Variants in PITPNM2 observed in about 807,000 individuals in gnomAD.
PITPNM2 encodes membrane-associated phosphatidylinositol transfer protein 2.
Under a neutral mutation model 132.2 loss-of-function variants are expected in PITPNM2, and 35 were observed. The observed-to-expected ratio is 0.26, with a 90% CI of 0.20 to 0.35. The LOEUF (loss-of-function observed/expected upper bound fraction) is 0.35. Among genes scored for constraint, PITPNM2 ranks in the 10% least tolerant of loss-of-function variants. PITPNM2 has a pLI of 1.00. For synonymous variants in PITPNM2, 738 were observed against 799.2 expected (o/e 0.92, Z 1.29); for missense variants, 1,332 against 1,912.0 (o/e 0.70, Z 5.66).
rs180756841 is a variant in PITPNM2, at chr12:123,111,730, T to C, written c.-199-1242A>G. Among the ~76,000 whole-genome samples the C allele has an allele frequency of 6.6e-6, 1 of 152,176 alleles. No homozygotes were observed. The highest frequency in any genetic ancestry group is 6.5e-5 in the Admixed American group (1 of 15,272). On this transcript the variant is annotated intron_variant, in intron 1 of 25. Transcript: ENST00000320201. The surrounding 1 kb of genome is among the most constrained non-coding windows in gnomAD (Gnocchi z 4.1). ...CCAGCCCCTTGTCTCCACGGCTGCA[T>C]GTACACACCCACATACACACTCAAC...
At chr12:123,069,644 G>A (rs2041564001) in intron 2 of PITPNM2, among the ~76,000 whole-genome samples, 1 of 152,136 alleles carries the variant, frequency 6.6e-6, no homozygotes, top group Non-Finnish European at 1.5e-5. Context: ...AGCACCCCGG[G>A]CACCTTGCGC....
At position 123,151,067 on chromosome 12, in the gene PITPNM2, C is replaced by T. The variant is rs2043734258; in HGVS notation, c.-514G>A. Among the ~76,000 whole-genome samples, 1 of 145,720 alleles carries T rather than the reference C, an allele frequency of 6.9e-6. No individual in the cohort carries two copies. The highest frequency in any genetic ancestry group is 1.5e-5 in the Non-Finnish European group (1 of 65,572). On this transcript the variant is annotated 5_prime_UTR_variant, in exon 1 of 26. Coordinates refer to ENST00000320201, the MANE Select transcript of PITPNM2 (RefSeq NM_020845.3). ...CTCTACGCCGCGGCGCCGCGGTGCCCCGCGCACCCCAGCGGCCGCTGCTGC... is the reference window on the plus strand; with the variant it reads ...CTCTACGCCGCGGCGCCGCGGTGCCTCGCGCACCCCAGCGGCCGCTGCTGC...
intron 2 of PITPNM2, among the ~76,000 whole-genome samples, chr12:123,052,655 C>T (rs2040899673): frequency 1.3e-5 from 2 of 152,154 alleles, no homozygotes; most frequent in Admixed American, 6.5e-5. Context: ...TTTAAAACAG[C>T]CAATATAATA....
chr12:123,104,665 C>T (rs1452016202), intron 2 of PITPNM2, among the ~76,000 whole-genome samples: 2 of 152,080 alleles, frequency 1.3e-5, no homozygotes. Context: ...CTACCCAAAT[C>T]TTATAAAACA....
rs1367240124 is a variant in PITPNM2 at position 123,005,596 on chromosome 12, A to G, written c.644-48T>C. 1 of 1,569,254 alleles carries G rather than the reference A, an allele frequency of 6.4e-7. No individual in the cohort carries two copies. ...AGGGAGAGACGAGGGGAGGGAGGTC[A>G]GCGCAGGAGCCTGCACGGAAGTGTG... On this transcript the variant is annotated intron_variant, in intron 6 of 25. Transcript: ENST00000320201. This position sits in a 1 kb window ranked among gnomAD's most constrained non-coding sequence, Gnocchi z 6.2.
Position 123,004,564 on chromosome 12 carries a change from C to A in PITPNM2, c.953-75G>T, listed in dbSNP as rs745744723. 1.3e-5 allele frequency: 18 copies of A among 1,403,952 alleles called. No homozygotes were observed. The highest frequency in any genetic ancestry group is 1.8e-4 in the Middle Eastern group (1 of 5,656). The allele number at this position is 1,403,952 out of a possible 1,614,324, so 87.0% of individuals were successfully genotyped here. Reference sequence around the variant, plus strand: ...GAGGCTGCCCTGAGCCGGCAGGAGGCAGGGAGGGCCACCCACAGGCCTGAC... The same window carrying A: ...GAGGCTGCCCTGAGCCGGCAGGAGGAAGGGAGGGCCACCCACAGGCCTGAC... On this transcript the variant is annotated intron_variant, in intron 7 of 25. Coordinates refer to ENST00000320201, the MANE Select transcript of PITPNM2 (RefSeq NM_020845.3). This position sits in a 1 kb window ranked among gnomAD's most constrained non-coding sequence, Gnocchi z 4.9.
At chr12:123,028,983 G>C (rs945035429) in intron 3 of PITPNM2, among the ~76,000 whole-genome samples, 3 of 152,174 alleles carry the variant, frequency 2.0e-5, no homozygotes, top group African/African-American at 7.2e-5. Flanking sequence ...GGGGTGGCCT[G>C]AACCTCTCCC....
chr12:123,032,872 C>T (rs2040141761), intron 3 of PITPNM2, among the ~76,000 whole-genome samples: 1 of 152,216 alleles, frequency 6.6e-6, no homozygotes, highest in Non-Finnish European at 1.5e-5. Flanking sequence ...TCAGAGCAAA[C>T]AGCCCCCCGG....
chr12:123,011,147 A>C (rs965235155), intron 5 of PITPNM2, among the ~76,000 whole-genome samples: 1 of 152,210 alleles, frequency 6.6e-6, no homozygotes, highest in African/African-American at 2.4e-5. Flanking sequence ...AGCCCCAGTA[A>C]AGGGTTTGTG....
intron 2 of PITPNM2, among the ~76,000 whole-genome samples, chr12:123,060,432 C>T (rs970935140): frequency 6.6e-6 from 1 of 152,238 alleles, no homozygotes; most frequent in Non-Finnish European, 1.5e-5. Context: ...CAAGAGCCAC[C>T]TTGGCAGTAA....
In PITPNM2 at chr12:122,994,120, C is replaced by G. The variant is rs895759952; in HGVS notation, c.2233+681G>C. Among the ~76,000 whole-genome samples the G allele has an allele frequency of 6.6e-6, 1 of 152,200 alleles. No homozygotes were observed. Among genetic ancestry groups the G allele is most frequent in the Non-Finnish European group, 1.5e-5 (1 of 68,046 alleles). ...AACTCCTGACCTCAGCTGATCCGCC[C>G]GCCTCGGCCTCCCAAAGTGCTGGAT... On this transcript the variant is annotated intron_variant, in intron 15 of 25. Coordinates refer to ENST00000320201, the MANE Select transcript of PITPNM2 (RefSeq NM_020845.3). The surrounding 1 kb of genome is among the most constrained non-coding windows in gnomAD (Gnocchi z 5.4).
At chr12:123,042,669 C>T (rs1011024327) in intron 2 of PITPNM2, among the ~76,000 whole-genome samples, 3 of 152,176 alleles carry the variant, frequency 2.0e-5, no homozygotes, top group Non-Finnish European at 4.4e-5. Context: ...TTCTGCCTCC[C>T]TTGAGTCCCT....
intron 2 of PITPNM2, among the ~76,000 whole-genome samples, chr12:123,045,591 C>T (rs183317274): frequency 4.7e-4 from 71 of 152,330 alleles, no homozygotes; most frequent in African/African-American, 1.7e-3. Flanking sequence ...CAACATACCT[C>T]CCAATAAACT....
chr12:123,071,654 C>T (rs930140041), intron 2 of PITPNM2, among the ~76,000 whole-genome samples: 4 of 152,268 alleles, frequency 2.6e-5, no homozygotes, highest in Non-Finnish European at 5.9e-5. Flanking sequence ...AGCAATCTGA[C>T]ACTGGAGGAG....
At chr12:123,035,882 C>T (rs1164627480) in intron 2 of PITPNM2, among the ~76,000 whole-genome samples, 4 of 152,098 alleles carry the variant, frequency 2.6e-5, no homozygotes, top group South Asian at 4.1e-4. Flanking sequence ...TGTTTAGAGA[C>T]AAGGTCTCAC....
chr12:123,139,123 G>A (rs2043444213), intron 1 of PITPNM2, among the ~76,000 whole-genome samples: 1 of 152,108 alleles, frequency 6.6e-6, no homozygotes, highest in Non-Finnish European at 1.5e-5. Flanking sequence ...GGGAGAGAGT[G>A]AGATCCTGTC....
Position 123,005,558 on chromosome 12 carries a change from A to G in PITPNM2, c.644-10T>C, listed in dbSNP as rs778051450. The G allele has an allele frequency of 9.9e-6, 16 of 1,609,010 alleles. No individual in the cohort carries two copies. The highest frequency in any genetic ancestry group is 1.3e-5 in the African/African-American group (1 of 74,778). On this transcript the variant is annotated splice_polypyrimidine_tract_variant and intron_variant, in intron 6 of 25. Coordinates refer to ENST00000320201, the MANE Select transcript of PITPNM2 (RefSeq NM_020845.3). The surrounding 1 kb of genome is among the most constrained non-coding windows in gnomAD (Gnocchi z 6.2). ...ATCACCCTCCGTAGTCCTGTGCCCCATGGGGATCAGAGAGGGAGAGACGAG... is the reference window on the plus strand; with the variant it reads ...ATCACCCTCCGTAGTCCTGTGCCCCGTGGGGATCAGAGAGGGAGAGACGAG...
chr12:123,137,613 C>T lies in PITPNM2; in HGVS notation c.-200+13140G>A, dbSNP rs564321842. On this transcript the variant is annotated intron_variant, in intron 1 of 25. Coordinates refer to ENST00000320201, the MANE Select transcript of PITPNM2 (RefSeq NM_020845.3). ...AAGGCACAGAAAGGTGCTCTCGTGG[C>T]TGGGTGCAGTAGCTCACACCTATCA... 1.4e-4 allele frequency among the ~76,000 whole-genome samples: 21 copies of T among 152,256 alleles called. No individual in the cohort carries two copies. The South Asian group carries it at 2.9e-3, about 21-fold the overall frequency.
chr12:123,009,879 G>A lies in PITPNM2; in HGVS notation c.614C>T (p.Ser205Phe), dbSNP rs977773293. 6.2e-7 allele frequency: 1 copy of A among 1,614,068 alleles called. No individual in the cohort carries two copies. The highest frequency in any genetic ancestry group is 8.5e-7 in the Non-Finnish European group (1 of 1,180,050). The change falls in exon 6 of 26, where the codon TCC (serine) becomes TTC (phenylalanine). Residue 205 changes from serine to phenylalanine, a missense_variant. Coordinates refer to ENST00000320201, the MANE Select transcript of PITPNM2 (RefSeq NM_020845.3). This position sits in a 1 kb window ranked among gnomAD's most constrained non-coding sequence, Gnocchi z 4.8. ...GTCGTGGATGAACCTCTCGATCTTG[G>A]ACTGCATGCCCCAGTAGCGGAACTC... is the stretch of plus-strand genomic sequence containing the variant. ...KVEFRYWGMQ[S>F]KIERFIHDTG...
Sources: allele counts gnomAD v4.1 joint callset (sites outside exome capture counted in the v4.1 genomes callset), GRCh38; gene constraint gnomAD v4.1.1; non-coding constraint Gnocchi (gnomAD v3.1); transcripts MANE v1.5; gene names NCBI Gene and HGNC (gene_info 2026-07-23, HGNC 2026-07-21).